The following ZEB1 variants were observed in gnomAD, a reference collection of about 807,000 sequenced individuals.
ZEB1 encodes zinc finger E-box-binding homeobox 1.
In ZEB1, 21 loss-of-function variants were observed where a neutral mutation model predicts 84.9. The ratio of observed to expected loss-of-function variants is 0.25; its 90% CI spans 0.18 to 0.36. The LOEUF is 0.36. Ranked by LOEUF, ZEB1 falls within the 10% of genes least tolerant of loss-of-function variation. The pLI, the probability that ZEB1 is intolerant of heterozygous loss-of-function variation, is 1.00. For missense variants in ZEB1, 1,104 were observed against 1,330.2 expected, an observed-to-expected ratio of 0.83 and a Z score of 2.65; for synonymous variants, 420 against 471.1, an observed-to-expected ratio of 0.89 and a Z score of 1.41.
intron 1 of ZEB1, among the ~76,000 whole-genome samples, chr10:31,376,803 T>C (rs1590547576): frequency 1.3e-5 from 2 of 151,808 alleles, no homozygotes; most frequent in South Asian, 4.1e-4. Flanking sequence ...TAGAAAGGGC[T>C]CCATATGTTG....
chr10:31,370,693 T>C (rs1382755220), intron 1 of ZEB1, among the ~76,000 whole-genome samples: 1 of 152,232 alleles, frequency 6.6e-6, no homozygotes, highest in East Asian at 1.9e-4. Context: ...GAAATTTTCC[T>C]AATAAAATTG....
At chr10:31,515,269 T>G (rs2070861445) in intron 6 of ZEB1, among the ~76,000 whole-genome samples, 1 of 152,068 alleles carries the variant, frequency 6.6e-6, no homozygotes, top group Non-Finnish European at 1.5e-5. Context: ...ACTTACAAGG[T>G]TAATACTATT....
At chr10:31,349,787 C>G (rs987901924) in intron 1 of ZEB1, among the ~76,000 whole-genome samples, 3 of 151,966 alleles carry the variant, frequency 2.0e-5, no homozygotes, top group Admixed American at 1.3e-4. Context: ...TATTTAGTTG[C>G]TTTAGCTTTT....
Position 31,473,718 on chromosome 10 carries a change from T to TCATATGCAAC in ZEB1, c.259+12487_259+12488insCAACCATATG, listed in dbSNP as rs1239517955. The stretch of plus-strand genomic sequence containing the variant: ...GAATTGGAAAAAACTACTTTAAAGT[T>TCATATGCAAC]CATATGGAACCAAAAAAGAGCCTGC... On this transcript the variant is annotated intron_variant, in intron 2 of 8. Transcript: ENST00000424869. Among the ~76,000 whole-genome samples, 143 of 150,126 alleles carry TCATATGCAAC rather than the reference T, an allele frequency of 9.5e-4. 1 individual carries two copies. Among genetic ancestry groups the TCATATGCAAC allele is most frequent in the Admixed American group, 8.2e-3 (123 of 15,074 alleles).
At chr10:31,459,666 T>C (rs1050556963) in intron 1 of ZEB1, among the ~76,000 whole-genome samples, 2 of 152,214 alleles carry the variant, frequency 1.3e-5, no homozygotes, top group African/African-American at 4.8e-5. Flanking sequence ...ACACAAGATA[T>C]TGAAGAACTC....
intron 2 of ZEB1, among the ~76,000 whole-genome samples, chr10:31,464,005 A>G (rs1235262553): frequency 2.0e-5 from 3 of 152,344 alleles, no homozygotes; most frequent in Admixed American, 1.3e-4. Context: ...GAAAAATCAG[A>G]TGGTTATCTG....
rs1406576358 is a variant in ZEB1 at position 31,521,021 on chromosome 10, T to TGCA, written c.1694_1696dup (p.Ala565dup). The TGCA allele has an allele frequency of 2.5e-6, 4 of 1,613,942 alleles. No individual in the cohort carries two copies. In the African/African-American group the frequency reaches 5.3e-5, roughly 22 times the overall value. ...AGCCTACTCAGCCTCCTCCACTCCC[T>TGCA]GCAGCAGAAGCTGAGAAGCCTGAGT... On this transcript the variant is annotated inframe_insertion, in exon 7 of 9. Transcript: ENST00000424869.
intron 1 of ZEB1, among the ~76,000 whole-genome samples, chr10:31,342,030 A>G (rs2133605695): frequency 6.6e-6 from 1 of 152,284 alleles, no homozygotes; most frequent in South Asian, 2.1e-4. Context: ...ATTGCAAATT[A>G]TGTGCTGTAC....
intron 1 of ZEB1, among the ~76,000 whole-genome samples, chr10:31,409,134 C>T (rs1017973698): frequency 6.6e-6 from 1 of 152,136 alleles, no homozygotes; most frequent in Non-Finnish European, 1.5e-5. Context: ...AGCCAACAAA[C>T]ACATGAAAAA....
At chr10:31,518,335 T>C (rs2139728779) in intron 6 of ZEB1, among the ~76,000 whole-genome samples, 1 of 152,266 alleles carries the variant, frequency 6.6e-6, no homozygotes, top group South Asian at 2.1e-4. Context: ...CTAGGTATAT[T>C]TAACCTATAT....
chr10:31,457,168 A>G (rs1564942082), intron 1 of ZEB1, among the ~76,000 whole-genome samples: 1 of 152,144 alleles, frequency 6.6e-6, no homozygotes, highest in Non-Finnish European at 1.5e-5. Context: ...AAACTATACT[A>G]TATTTTCAGC....
intron 1 of ZEB1, among the ~76,000 whole-genome samples, chr10:31,441,543 CA>C (rs1230048337): frequency 2.0e-5 from 3 of 152,104 alleles, no homozygotes; most frequent in African/African-American, 4.8e-5. Flanking sequence ...CAACAAAAGC[CA>C]AAATTGACAA....
intron 1 of ZEB1, among the ~76,000 whole-genome samples, chr10:31,451,008 T>TA (rs2060499906): frequency 6.6e-6 from 1 of 152,136 alleles, no homozygotes; most frequent in African/African-American, 2.4e-5. Flanking sequence ...CCTCTCTCTT[T>TA]AAAAAGTTAC....
chr10:31,508,196 C>T lies in ZEB1; in HGVS notation c.485-2477C>T, dbSNP rs559067238. Among the ~76,000 whole-genome samples, 10 of 152,238 alleles carry T rather than the reference C, an allele frequency of 6.6e-5. No individual in the cohort carries two copies. In the South Asian group the frequency reaches 1.9e-3, roughly 28 times the overall value. On this transcript the variant is annotated intron_variant, in intron 4 of 8. Transcript: ENST00000424869. The stretch of plus-strand genomic sequence containing the variant: ...CAGTGGTAGTAACGGGCTTACAGTA[C>T]CTGTCCTTAGACCACAGGGTGGCAC...
chr10:31,490,916 G>C (rs1458421016), intron 2 of ZEB1, among the ~76,000 whole-genome samples: 1 of 151,720 alleles, frequency 6.6e-6, no homozygotes, highest in Non-Finnish European at 1.5e-5. Flanking sequence ...TATAGGTTTT[G>C]ATTCCACAAC....
chr10:31,380,697 T>C (rs1398523421), intron 1 of ZEB1, among the ~76,000 whole-genome samples: 2 of 152,164 alleles, frequency 1.3e-5, no homozygotes, highest in Admixed American at 6.6e-5. Context: ...TCTGAAACAA[T>C]GTATACTGGA....
chr10:31,360,031 A>G (rs2042747438), intron 1 of ZEB1, among the ~76,000 whole-genome samples: 1 of 152,226 alleles, frequency 6.6e-6, no homozygotes, highest in African/African-American at 2.4e-5. Context: ...TCTGATAGCT[A>G]CTAGTGTACA....
intron 1 of ZEB1, among the ~76,000 whole-genome samples, chr10:31,368,500 C>T (rs1270185606): frequency 6.6e-6 from 1 of 151,994 alleles, no homozygotes; most frequent in Non-Finnish European, 1.5e-5. Flanking sequence ...ACTTATAATA[C>T]CTAATACAAT....
At chr10:31,361,157 C>T (rs1406374917) in intron 1 of ZEB1, 1 of 1,611,854 alleles carries the variant, frequency 6.2e-7, no homozygotes, top group African/African-American at 1.3e-5. Flanking sequence ...CAACCAGAAC[C>T]TCTTGTTCCT....
Sources: allele counts gnomAD v4.1 joint callset (sites outside exome capture counted in the v4.1 genomes callset), GRCh38; gene constraint gnomAD v4.1.1; transcripts MANE v1.5; gene names NCBI Gene and HGNC (gene_info 2026-07-23, HGNC 2026-07-21).